Variants in IL1RAPL1 observed in about 807,000 individuals in gnomAD.
The protein encoded by IL1RAPL1 is interleukin-1 receptor accessory protein-like 1.
IL1RAPL1 carries 3 observed loss-of-function variants against 48.4 expected under a neutral mutation model. The observed-to-expected ratio is 0.06, with a 90% CI of 0.03 to 0.16. The LOEUF (loss-of-function observed/expected upper bound fraction) is 0.16, where lower values mean the gene tolerates loss of function less well. IL1RAPL1 is among the 10% of genes least tolerant of loss of function. The pLI is 1.00. For missense variants in IL1RAPL1, 349 were observed against 530.6 expected (o/e 0.66, Z 3.36); for synonymous variants, 185 against 187.7 (o/e 0.99, Z 0.12).
chrX:29,865,636 C>CTTTTTTTTTTTT (rs1171882981), intron 6 of IL1RAPL1, among the ~76,000 whole-genome samples: 7 of 76,346 alleles, frequency 9.2e-5, no homozygotes, highest in African/African-American at 1.1e-4. Flanking sequence ...CTTTTCTTTT[C>CTTTTTTTTTTTT]TTTTTTTTTT....
intron 8 of IL1RAPL1, among the ~76,000 whole-genome samples, chrX:29,936,447 G>A (rs745537062): frequency 1.9e-5 from 2 of 106,986 alleles, no homozygotes; most frequent in Non-Finnish European, 3.9e-5. Flanking sequence ...CCAACTTTAG[G>A]ATAAACTACA....
chrX:29,030,436 C>T (rs1416022163), intron 2 of IL1RAPL1, among the ~76,000 whole-genome samples: 1 of 111,339 alleles, frequency 9.0e-6, no homozygotes, highest in Non-Finnish European at 1.9e-5. Context: ...CTGAACCTGA[C>T]TAATGGGTAC....
At chrX:29,248,731 T>C (rs1317408155) in intron 2 of IL1RAPL1, among the ~76,000 whole-genome samples, 3 of 112,319 alleles carry the variant, frequency 2.7e-5, no homozygotes, top group Non-Finnish European at 5.6e-5. Context: ...ACAGCCTAAA[T>C]TCAGGCAAGT....
intron 5 of IL1RAPL1, among the ~76,000 whole-genome samples, chrX:29,557,896 CAT>C (rs1415467511): frequency 1.8e-5 from 2 of 109,601 alleles, no homozygotes; most frequent in African/African-American, 6.6e-5. Context: ...TGTGTGTGTG[CAT>C]GTGTGTGTAT....
At chrX:28,604,767 G>A (rs990246234) in intron 1 of IL1RAPL1, among the ~76,000 whole-genome samples, 22 of 107,672 alleles carry the variant, frequency 2.0e-4, no homozygotes, top group Admixed American at 2.0e-4. Flanking sequence ...ATCGTGCAGT[G>A]CTTGACAAAT....
chrX:28,768,755 CTA>C (rs1207885215), intron 1 of IL1RAPL1, among the ~76,000 whole-genome samples: 107 of 34,847 alleles, frequency 3.1e-3, no homozygotes, highest in South Asian at 5.6e-3. Context: ...CTCTCTCTCT[CTA>C]TATATATATA....
intron 3 of IL1RAPL1, among the ~76,000 whole-genome samples, chrX:29,321,868 T>G (rs973798085): frequency 1.8e-5 from 2 of 111,811 alleles, no homozygotes; most frequent in Admixed American, 1.9e-4. Context: ...GAGGCATAAA[T>G]CAAAACATAA....
At chrX:29,490,664 T>A (rs1392370762) in intron 5 of IL1RAPL1, among the ~76,000 whole-genome samples, 1 of 111,727 alleles carries the variant, frequency 9.0e-6, no homozygotes, top group Admixed American at 9.5e-5. Flanking sequence ...TATTTTTGTT[T>A]CTTTTCTAAC....
intron 2 of IL1RAPL1, among the ~76,000 whole-genome samples, chrX:29,003,903 C>A: frequency 8.9e-6 from 1 of 111,922 alleles, no homozygotes; most frequent in South Asian, 3.7e-4. Context: ...GCACTTTGGG[C>A]AGCCAAGGCA....
intron 2 of IL1RAPL1, among the ~76,000 whole-genome samples, chrX:28,993,965 A>G (rs1401852035): frequency 9.0e-6 from 1 of 111,696 alleles, no homozygotes; most frequent in African/African-American, 3.3e-5. Flanking sequence ...ACTTTGTACC[A>G]GGTACTCTTT....
At chrX:29,738,101 A>G (rs1285264869) in intron 6 of IL1RAPL1, among the ~76,000 whole-genome samples, 3 of 111,989 alleles carry the variant, frequency 2.7e-5, no homozygotes, top group African/African-American at 9.7e-5. Context: ...TGATGCCCTC[A>G]TCGTTTGTTT....
At chrX:28,599,579 C>T (rs964371360) in intron 1 of IL1RAPL1, among the ~76,000 whole-genome samples, 49 of 111,288 alleles carry the variant, frequency 4.4e-4, no homozygotes, top group African/African-American at 1.4e-3. Context: ...AGTCCTATTA[C>T]GTGATCAGAA....
chrX:28,671,091 G>C (rs1358882369), intron 1 of IL1RAPL1, among the ~76,000 whole-genome samples: 1 of 111,802 alleles, frequency 8.9e-6, no homozygotes, highest in Non-Finnish European at 1.9e-5. Context: ...AACCAGAAAA[G>C]GTATTAACAA....
At chrX:28,692,440 A>G (rs1048282523) in intron 1 of IL1RAPL1, among the ~76,000 whole-genome samples, 2 of 111,614 alleles carry the variant, frequency 1.8e-5, no homozygotes, top group African/African-American at 6.5e-5. Flanking sequence ...ACTCTGGGCT[A>G]TTGCAATGAT....
chrX:29,475,825 C>T (rs911638131), intron 5 of IL1RAPL1, among the ~76,000 whole-genome samples: 2 of 108,751 alleles, frequency 1.8e-5, no homozygotes, highest in African/African-American at 6.9e-5. Flanking sequence ...ATTCATCACA[C>T]GTTATGAAGT....
intron 2 of IL1RAPL1, among the ~76,000 whole-genome samples, chrX:28,982,310 C>T (rs988695342): frequency 1.8e-5 from 2 of 112,034 alleles, no homozygotes; most frequent in Non-Finnish European, 3.8e-5. Context: ...TGAGAAAGCT[C>T]CTCTGGAACC....
At chrX:29,800,830 CAAAAAAA>C (rs368811843) in intron 6 of IL1RAPL1, among the ~76,000 whole-genome samples, 10 of 36,368 alleles carry the variant, frequency 2.7e-4, no homozygotes, top group African/African-American at 1.2e-3. Context: ...ACTAAAAATA[CAAAAAAA>C]AAAAAAAAAA....
chrX:28,948,942 T>C, intron 2 of IL1RAPL1, among the ~76,000 whole-genome samples: 1 of 111,515 alleles, frequency 9.0e-6, no homozygotes, highest in Non-Finnish European at 1.9e-5. Context: ...TTATTTTCCT[T>C]CTGAAAATAT....
In IL1RAPL1 at chrX:29,850,482, G is replaced by A. The variant is rs144396613; in HGVS notation, c.779-66982G>A. Among the ~76,000 whole-genome samples, 215 of 112,263 alleles carry A rather than the reference G, an allele frequency of 1.9e-3. 2 individuals carry two copies. The highest frequency in any genetic ancestry group is 6.5e-3 in the African/African-American group (201 of 30,935). On this transcript the variant is annotated intron_variant, in intron 6 of 10. Coordinates refer to ENST00000378993, the MANE Select transcript of IL1RAPL1 (RefSeq NM_014271.4). ...TTAAGGACCCTTCAGGACCTCTAAG[G>A]CCTTTCCAAAGAGCAAGAACATGTG...
Sources: allele counts gnomAD v4.1 joint callset (sites outside exome capture counted in the v4.1 genomes callset), GRCh38; gene constraint gnomAD v4.1.1; transcripts MANE v1.5; gene names NCBI Gene and HGNC (gene_info 2026-07-23, HGNC 2026-07-21).